CNOT7: variants seen among roughly 807,000 people sequenced by gnomAD.
CNOT7 encodes the protein CCR4-NOT transcription complex subunit 7, also known as BTG1-binding factor 1.
Under a neutral mutation model 37.1 loss-of-function variants are expected in CNOT7, and 4 were observed. The ratio of observed to expected loss-of-function variants is 0.11; its 90% CI spans 0.05 to 0.25. The LOEUF is 0.25. Among genes scored for constraint, CNOT7 ranks in the 10% least tolerant of loss-of-function variants. The pLI is 1.00. For synonymous variants in CNOT7, 128 were observed against 115.6 expected (o/e 1.11, Z -0.69); for missense variants, 170 against 336.2 (o/e 0.51, Z 3.87).
intron 4 of CNOT7, among the ~76,000 whole-genome samples, chr8:17,236,337 A>G (rs888254803): frequency 2.6e-5 from 4 of 152,182 alleles, no homozygotes; most frequent in African/African-American, 7.2e-5. Context: ...TCAAAACCTA[A>G]CAAAAGCCAA....
Position 17,245,064 on chromosome 8 carries a change from A to G in CNOT7, c.89T>C (p.Val30Ala). The G allele has an allele frequency of 6.2e-7, 1 of 1,613,756 alleles. No homozygotes were observed. Among genetic ancestry groups the G allele is most frequent in the South Asian group, 1.1e-5 (1 of 91,048 alleles). Residue 30 changes from valine (V) to alanine (A), a missense_variant, in exon 2 of 7, where the codon GTT (valine) becomes GCT (alanine). Around this residue, in one of 6 missense-constraint regions of CNOT7, gnomAD observed 38 missense variants for 36.9 expected, o/e 1.03. Coordinates refer to ENST00000361272, the MANE Select transcript of CNOT7 (RefSeq NM_013354.7). Reference sequence around the variant, plus strand: ...AGCAACGTAATTATATTTTCGGATAACTTGACGAATTTTCTTCATCTCTTC... The same window carrying G: ...AGCAACGTAATTATATTTTCGGATAGCTTGACGAATTTTCTTCATCTCTTC... ...LDEEMKKIRQ[V>A]IRKYNYVAMD...
In CNOT7 at chr8:17,225,687, C is replaced by T. The variant is rs1808106512; in HGVS notation, c.*5033G>A. 1 of 151,632 alleles carries T rather than the reference C, an allele frequency of 6.6e-6. No homozygotes were observed. The highest frequency in any genetic ancestry group is 2.4e-5 in the African/African-American group (1 of 41,354). 9.4% of individuals were successfully genotyped at this position (151,632 alleles called of 1,614,324 possible). A position where few individuals can be genotyped will look rare whatever the true frequency, so the allele number is the denominator to read the frequency against. ...AAATTCTGCAGGATTTGGATGTGTACAGTCCTACGTTTCTATAATGTCTTA... is the reference window on the plus strand; with the variant it reads ...AAATTCTGCAGGATTTGGATGTGTATAGTCCTACGTTTCTATAATGTCTTA... On this transcript the variant is annotated 3_prime_UTR_variant, in exon 7 of 7. Coordinates refer to ENST00000361272, the MANE Select transcript of CNOT7 (RefSeq NM_013354.7).
At chr8:17,239,544 G>A (rs928959650) in intron 3 of CNOT7, among the ~76,000 whole-genome samples, 1 of 152,132 alleles carries the variant, frequency 6.6e-6, no homozygotes. Context: ...CGCCCAGACT[G>A]GAGTCAGTGG....
At chr8:17,235,385 C>G (rs1481099837) in intron 4 of CNOT7, among the ~76,000 whole-genome samples, 1 of 152,196 alleles carries the variant, frequency 6.6e-6, no homozygotes, top group Non-Finnish European at 1.5e-5. Flanking sequence ...TTTCACTTCT[C>G]TTAAATGACT....
At chr8:17,238,791 C>G (rs555737713) in intron 3 of CNOT7, among the ~76,000 whole-genome samples, 3 of 152,312 alleles carry the variant, frequency 2.0e-5, no homozygotes, top group South Asian at 4.1e-4. Context: ...CACCCCATAC[C>G]TGCTTTACAA....
chr8:17,232,281 TTTA>T (rs1808740803), intron 6 of CNOT7, 143 bp downstream of exon 6: 6 of 1,501,134 alleles, frequency 4.0e-6, no homozygotes, highest in Non-Finnish European at 5.3e-6. Context: ...TTTGAATACT[TTTA>T]AGTGTGGTGG....
chr8:17,244,149 G>A (rs184845884), intron 2 of CNOT7, among the ~76,000 whole-genome samples: 2 of 152,306 alleles, frequency 1.3e-5, no homozygotes, highest in Admixed American at 1.3e-4. Flanking sequence ...GGTTTATGGA[G>A]CTAATAATAA....
At chr8:17,245,635 GTGTT>G (rs1401966638) in intron 1 of CNOT7, among the ~76,000 whole-genome samples, 1 of 152,088 alleles carries the variant, frequency 6.6e-6, no homozygotes, top group Non-Finnish European at 1.5e-5. Flanking sequence ...GGCAAAGATG[GTGTT>G]TATTTTTATT....
At chr8:17,235,929 G>A (rs770366665) in intron 4 of CNOT7, among the ~76,000 whole-genome samples, 1 of 152,026 alleles carries the variant, frequency 6.6e-6, no homozygotes, top group Non-Finnish European at 1.5e-5. Context: ...CTAGTGCACT[G>A]TATTTTGTCA....
chr8:17,239,006 AC>A (rs1478569703), intron 3 of CNOT7, among the ~76,000 whole-genome samples: 3 of 152,150 alleles, frequency 2.0e-5, no homozygotes, highest in Non-Finnish European at 4.4e-5. Context: ...TCATGAACAC[AC>A]AAATATGTCT....
intron 3 of CNOT7, 89 bp downstream of exon 3, chr8:17,242,903 T>C (rs1228343454): frequency 1.3e-6 from 1 of 794,378 alleles, no homozygotes; most frequent in East Asian, 3.0e-5. Flanking sequence ...CAAATTCACC[T>C]AGCATGTCAC....
chr8:17,234,889 A>C (rs199962227), intron 4 of CNOT7, 29 bp from the exon 5 acceptor site: 3 of 1,603,570 alleles, frequency 1.9e-6, no homozygotes, highest in Admixed American at 3.4e-5. Flanking sequence ...AATAGAGAAG[A>C]GGGACATATA....
At position 17,246,796 on chromosome 8, in the gene CNOT7, C is replaced by T. The variant is rs1469680454; in HGVS notation, c.-217G>A. On this transcript the variant is annotated 5_prime_UTR_variant, in exon 1 of 7. Coordinates refer to ENST00000361272, the MANE Select transcript of CNOT7 (RefSeq NM_013354.7). The stretch of plus-strand genomic sequence containing the variant: ...CGGGTGCCCCATAGACACCTCTCGC[C>T]CAGCGAAGGGAAAGGCGAGCAGGAG... The T allele has an allele frequency of 4.8e-6, 1 of 207,090 alleles. No individual in the cohort carries two copies. The highest frequency in any genetic ancestry group is 9.9e-6 in the Non-Finnish European group (1 of 100,638). 12.8% of individuals were successfully genotyped at this position (207,090 alleles called of 1,614,324 possible).
At chr8:17,237,051 A>C (rs1809464290) in intron 4 of CNOT7, among the ~76,000 whole-genome samples, 161 bp downstream of exon 4, 1 of 152,210 alleles carries the variant, frequency 6.6e-6, no homozygotes, top group African/African-American at 2.4e-5. Context: ...ATTAACCTTT[A>C]AGCAGACCAA....
rs550815140 is a variant in CNOT7, at chr8:17,226,853, C to G, written c.*3867G>C. 35 of 151,792 alleles carry G rather than the reference C, an allele frequency of 2.3e-4. No homozygotes were observed. In the South Asian group the frequency reaches 4.8e-3, roughly 21 times the overall value. The allele number at this position is 151,792 out of a possible 1,614,324, so 9.4% of individuals were successfully genotyped here. On this transcript the variant is annotated 3_prime_UTR_variant, in exon 7 of 7. Transcript: ENST00000361272. ...TGGCAAAAGTTAATTTCCAAAGTTA[C>G]TCAGTGTTAAAAAACAGTGGTTGAG...
At chr8:17,235,914 A>G (rs1809290442) in intron 4 of CNOT7, among the ~76,000 whole-genome samples, 1 of 152,174 alleles carries the variant, frequency 6.6e-6, no homozygotes, top group Non-Finnish European at 1.5e-5. Flanking sequence ...CTTAATACCC[A>G]GTGCCTAGTG....
chr8:17,241,827 A>G (rs900752824), intron 3 of CNOT7: 3 of 152,230 alleles, frequency 2.0e-5, no homozygotes, highest in Non-Finnish European at 4.4e-5. Context: ...AAAATCATCA[A>G]ACTTCTAGAT....
rs376247711 is a variant in CNOT7 at position 17,230,687 on chromosome 8, A to G, written c.*33T>C. ...AAAACCTATATACAAGCATGTGTGT[A>G]GCTCGAAATAAAAATAAAAGGACTA... is the stretch of plus-strand genomic sequence containing the variant. On this transcript the variant is annotated 3_prime_UTR_variant, in exon 7 of 7. Coordinates refer to ENST00000361272, the MANE Select transcript of CNOT7 (RefSeq NM_013354.7). The G allele has an allele frequency of 6.3e-7, 1 of 1,582,324 alleles. No individual in the cohort carries two copies. The highest frequency in any genetic ancestry group is 1.8e-5 in the Admixed American group (1 of 55,288).
chr8:17,240,152 T>C (rs762583360), intron 3 of CNOT7, among the ~76,000 whole-genome samples: 3 of 152,204 alleles, frequency 2.0e-5, no homozygotes, highest in Non-Finnish European at 4.4e-5. Context: ...CGGTGCTCTC[T>C]CTATATTAGG....
Sources: allele counts gnomAD v4.1 joint callset (sites outside exome capture counted in the v4.1 genomes callset), GRCh38; gene constraint gnomAD v4.1.1; regional missense constraint gnomAD v4.1.1; transcripts MANE v1.5; gene names NCBI Gene and HGNC (gene_info 2026-07-23, HGNC 2026-07-21).